RAB31: variants seen among roughly 807,000 people sequenced by gnomAD.
RAB31 encodes the protein ras-related protein Rab-31.
Under a neutral mutation model 25.6 loss-of-function variants are expected in RAB31, and 21 were observed. The observed-to-expected ratio is 0.82, with a 90% CI of 0.58 to 1.18. RAB31 has a LOEUF of 1.18. Ranked by LOEUF, RAB31 falls within the 50% of genes most tolerant of loss-of-function variation. The pLI, the probability that RAB31 is intolerant of heterozygous loss-of-function variation, is 0.00. For synonymous variants in RAB31, 87 were observed against 84.0 expected, an observed-to-expected ratio of 1.04 and a Z score of -0.20; for missense variants, 196 against 250.1, an observed-to-expected ratio of 0.78 and a Z score of 1.46.
chr18:9,728,916 A>G (rs117665485), intron 1 of RAB31, among the ~76,000 whole-genome samples: 1 of 152,308 alleles, frequency 6.6e-6, no homozygotes, highest in Non-Finnish European at 1.5e-5. Flanking sequence ...GCATTTCTTT[A>G]TAATGACAAT....
chr18:9,709,996 G>A (rs1331284081), intron 1 of RAB31, among the ~76,000 whole-genome samples: 12 of 152,216 alleles, frequency 7.9e-5, no homozygotes, highest in Admixed American at 7.2e-4. Flanking sequence ...TGGGAAAGGT[G>A]AAATAGGACA....
intron 1 of RAB31, among the ~76,000 whole-genome samples, chr18:9,709,913 G>A (rs115915662): frequency 1.0e-3 from 156 of 152,350 alleles, no homozygotes; most frequent in African/African-American, 3.5e-3. Flanking sequence ...GGCCTTCAGA[G>A]ACTTAGAAGG....
At chr18:9,723,685 G>A (rs1285487395) in intron 1 of RAB31, 1 of 152,188 alleles carries the variant, frequency 6.6e-6, no homozygotes, top group Non-Finnish European at 1.5e-5. Context: ...AAGTGGAAGC[G>A]AAGTGGGTGT....
In RAB31 at chr18:9,710,917, C is replaced by CTTT. The variant is rs148344186; in HGVS notation, c.39+2484_39+2486dup. Among the ~76,000 whole-genome samples, 41 of 144,964 alleles carry CTTT rather than the reference C, an allele frequency of 2.8e-4. No individual in the cohort carries two copies. In the South Asian group the frequency reaches 3.9e-3, roughly 14 times the overall value. ...CATATCACACCACATTTGTGGCTTC[C>CTTT]TTTTTTTTTTTTTGAGGGTGGCTGT... On this transcript the variant is annotated intron_variant, in intron 1 of 6. Coordinates refer to ENST00000578921, the MANE Select transcript of RAB31 (RefSeq NM_006868.4).
chr18:9,716,241 TTCC>T (rs1459369848), intron 1 of RAB31, among the ~76,000 whole-genome samples: 1 of 152,218 alleles, frequency 6.6e-6, no homozygotes, highest in Non-Finnish European at 1.5e-5. Flanking sequence ...GTCTGATTGT[TTCC>T]TCATTACTTC....
At chr18:9,709,112 A>G (rs1192941644) in intron 1 of RAB31, among the ~76,000 whole-genome samples, 1 of 152,152 alleles carries the variant, frequency 6.6e-6, no homozygotes. Flanking sequence ...TGCCTGGGAA[A>G]GTCCTCCCCA....
chr18:9,749,365 G>A (rs4798847), intron 1 of RAB31, among the ~76,000 whole-genome samples: 8,414 of 52,710 alleles, frequency 0.16, 725 homozygotes, highest in African/African-American at 0.41. Flanking sequence ...AACAGAGGGA[G>A]CGGAGGGAAC....
intron 5 of RAB31, among the ~76,000 whole-genome samples, chr18:9,819,211 T>G (rs1027742712): frequency 6.6e-6 from 1 of 152,198 alleles, no homozygotes; most frequent in Non-Finnish European, 1.5e-5. Context: ...GTGCTTACAT[T>G]TAGGTCTGTC....
chr18:9,854,122 C>A (rs1177949034), intron 6 of RAB31, among the ~76,000 whole-genome samples: 1 of 152,018 alleles, frequency 6.6e-6, no homozygotes, highest in East Asian at 1.9e-4. Context: ...AATGCTCTCG[C>A]TCCCCCACCC....
chr18:9,747,739 A>T lies in RAB31; in HGVS notation c.40-27539A>T, dbSNP rs540998746. Among the ~76,000 whole-genome samples, 1,513 of 152,256 alleles carry T rather than the reference A, an allele frequency of 9.9e-3. 25 individuals carry two copies. Among genetic ancestry groups the T allele is most frequent in the African/African-American group, 0.034 (1,427 of 41,524 alleles). On this transcript the variant is annotated intron_variant, in intron 1 of 6. Coordinates refer to ENST00000578921, the MANE Select transcript of RAB31 (RefSeq NM_006868.4). Reference sequence around the variant, plus strand: ...GGGAATAACTGCTTAATGAATATGGAGTGATTTGGGGGTGAAGAAAGTGTT... The same window carrying T: ...GGGAATAACTGCTTAATGAATATGGTGTGATTTGGGGGTGAAGAAAGTGTT...
intron 1 of RAB31, chr18:9,725,965 A>C (rs1336719613): frequency 6.6e-6 from 1 of 152,184 alleles, no homozygotes; most frequent in Non-Finnish European, 1.5e-5. Context: ...AACTGTCCTC[A>C]TGTTATTTCA....
chr18:9,837,249 A>G (rs1190968468), intron 5 of RAB31, among the ~76,000 whole-genome samples: 1 of 152,202 alleles, frequency 6.6e-6, no homozygotes, highest in Non-Finnish European at 1.5e-5. Flanking sequence ...GATATTTGAA[A>G]TCTGTGCAAA....
intron 5 of RAB31, among the ~76,000 whole-genome samples, chr18:9,834,439 G>C (rs1489814961): frequency 6.6e-6 from 1 of 152,064 alleles, no homozygotes; most frequent in African/African-American, 2.4e-5. Flanking sequence ...TTTAATAAGG[G>C]ACAAACCTGA....
intron 3 of RAB31, among the ~76,000 whole-genome samples, chr18:9,800,207 G>T (rs1016391487): frequency 6.6e-6 from 1 of 152,196 alleles, no homozygotes; most frequent in South Asian, 2.1e-4. Flanking sequence ...TCATGAAGAG[G>T]TGAAGAGCTG....
chr18:9,777,767 T>C (rs2068380232), intron 2 of RAB31, among the ~76,000 whole-genome samples: 1 of 150,204 alleles, frequency 6.7e-6, no homozygotes, highest in Non-Finnish European at 1.5e-5. Context: ...TTTTTTTTTT[T>C]TTTTTGAGAC....
chr18:9,780,254 G>T (rs1476755777), intron 2 of RAB31, among the ~76,000 whole-genome samples: 1 of 150,260 alleles, frequency 6.7e-6, no homozygotes, highest in Non-Finnish European at 1.5e-5. Context: ...GAATCTTAGT[G>T]TACATACAGT....
intron 6 of RAB31, among the ~76,000 whole-genome samples, chr18:9,850,001 C>T (rs1191554017): frequency 6.6e-6 from 1 of 152,192 alleles, no homozygotes; most frequent in Non-Finnish European, 1.5e-5. Flanking sequence ...AGGAAAGTCT[C>T]CGCATGTCTC....
At chr18:9,857,358 T>C (rs1276920026) in intron 6 of RAB31, among the ~76,000 whole-genome samples, 1 of 152,136 alleles carries the variant, frequency 6.6e-6, no homozygotes, top group African/African-American at 2.4e-5. Flanking sequence ...GTGCTCTATA[T>C]TGTCATTAGG....
chr18:9,830,435 C>T (rs1341589618), intron 5 of RAB31: 1 of 152,310 alleles, frequency 6.6e-6, no homozygotes, highest in East Asian at 1.9e-4. Flanking sequence ...CTATTTCCTA[C>T]CTGGGCCAGT....
Sources: gnomAD v4.1 joint callset for allele counts (sites outside exome capture counted in the v4.1 genomes callset) on GRCh38, gnomAD v4.1.1 for gene constraint, MANE v1.5 for transcripts, NCBI Gene and HGNC (gene_info 2026-07-23, HGNC 2026-07-21) for gene names.